The following TENM2 variants were observed in gnomAD, a reference collection of about 807,000 sequenced individuals.
TENM2 encodes the protein teneurin transmembrane protein 2.
A neutral mutation model predicts 245.2 loss-of-function variants in TENM2; 52 were observed. That is an observed-to-expected ratio of 0.21 (90% CI 0.17 to 0.27). TENM2 has a LOEUF of 0.27. Among genes scored for constraint, TENM2 ranks in the 10% least tolerant of loss-of-function variants. TENM2 has a pLI of 1.00. For missense variants in TENM2, 3,046 were observed against 3,666.8 expected, an observed-to-expected ratio of 0.83 and a Z score of 4.37; for synonymous variants, 1,363 against 1,438.9, an observed-to-expected ratio of 0.95 and a Z score of 1.19.
intron 12 of TENM2, among the ~76,000 whole-genome samples, chr5:168,155,115 A>C (rs1757038575): frequency 6.6e-6 from 1 of 152,058 alleles, no homozygotes; most frequent in African/African-American, 2.4e-5. Flanking sequence ...GGTCTTCCAA[A>C]ACTAGTTGGA....
chr5:167,913,947 C>T (rs1776734624), intron 3 of TENM2, among the ~76,000 whole-genome samples: 1 of 152,226 alleles, frequency 6.6e-6, no homozygotes, highest in Admixed American at 6.5e-5. Context: ...TTAAGTGCTG[C>T]TAAGAATGGT....
chr5:167,904,790 G>A (rs181326934), intron 3 of TENM2, among the ~76,000 whole-genome samples: 5 of 152,178 alleles, frequency 3.3e-5, no homozygotes, highest in African/African-American at 9.6e-5. Context: ...GGTGACCAAC[G>A]CTGCCAGTTC....
chr5:167,261,146 A>C, the TENM2 span, among the ~76,000 whole-genome samples: 3 of 152,066 alleles, frequency 2.0e-5, no homozygotes. Flanking sequence ...AAGCTCTGGG[A>C]GTGGAGGGCA....
intron 2 of TENM2, among the ~76,000 whole-genome samples, chr5:167,680,057 C>A (rs546224357): frequency 6.6e-6 from 1 of 152,168 alleles, no homozygotes; most frequent in South Asian, 2.1e-4. Flanking sequence ...AAGACACAGG[C>A]TTTGGAGAAA....
chr5:167,889,292 T>C (rs1774544082), intron 3 of TENM2, among the ~76,000 whole-genome samples: 1 of 152,108 alleles, frequency 6.6e-6, no homozygotes, highest in Non-Finnish European at 1.5e-5. Context: ...TGCTTTTGAA[T>C]TGTGTTGATG....
upstream of TENM2, among the ~76,000 whole-genome samples, chr5:167,281,213 A>G (rs1426692437): frequency 2.6e-5 from 4 of 151,046 alleles, no homozygotes; most frequent in South Asian, 2.1e-4. Flanking sequence ...GGTTCAAGCA[A>G]TTCTCTTCCT....
chr5:167,719,735 A>G (rs1759500790), intron 2 of TENM2, among the ~76,000 whole-genome samples: 1 of 152,210 alleles, frequency 6.6e-6, no homozygotes, highest in Non-Finnish European at 1.5e-5. Flanking sequence ...TGCCACCTCA[A>G]GGAATGTTGC....
At chr5:167,939,804 G>A (rs112478206) in intron 3 of TENM2, among the ~76,000 whole-genome samples, 2,157 of 152,212 alleles carry the variant, frequency 0.014, 56 homozygotes, top group African/African-American at 0.049. Context: ...CGGCAACTAC[G>A]CAGATGAATC....
the TENM2 span, among the ~76,000 whole-genome samples, chr5:167,256,327 C>T: frequency 5.9e-5 from 9 of 152,226 alleles, no homozygotes; most frequent in African/African-American, 2.2e-4. Context: ...TGGAAACTCT[C>T]CAGTTGTTAC....
chr5:167,092,307 C>T, the TENM2 span, among the ~76,000 whole-genome samples: 1 of 152,094 alleles, frequency 6.6e-6, no homozygotes, highest in Non-Finnish European at 1.5e-5. Context: ...GCTTTTAAGG[C>T]TACGTCGGCA....
intron 2 of TENM2, among the ~76,000 whole-genome samples, chr5:167,598,737 A>T (rs1776391206): frequency 6.6e-6 from 1 of 151,686 alleles, no homozygotes; most frequent in Non-Finnish European, 1.5e-5. Flanking sequence ...TATGATGATC[A>T]GAGTTTGTTT....
chr5:167,553,443 C>A (rs754950755), intron 2 of TENM2, among the ~76,000 whole-genome samples: 1 of 152,194 alleles, frequency 6.6e-6, no homozygotes, highest in Non-Finnish European at 1.5e-5. Flanking sequence ...AGCAGGACAG[C>A]ATAGGAAGTC....
chr5:167,920,068 G>A (rs1194129533), intron 3 of TENM2, among the ~76,000 whole-genome samples: 1 of 152,114 alleles, frequency 6.6e-6, no homozygotes, highest in Non-Finnish European at 1.5e-5. Flanking sequence ...GGAATAGAGA[G>A]GCTATGGGAG....
intron 1 of TENM2, chr5:167,297,442 G>GA (rs1374827149): frequency 6.6e-6 from 1 of 152,192 alleles, no homozygotes; most frequent in Non-Finnish European, 1.5e-5. Flanking sequence ...AACATTAAAA[G>GA]TGAGGTTTTA....
intron 2 of TENM2, among the ~76,000 whole-genome samples, chr5:167,431,942 T>TATATGTATATATAC (rs1764256613): frequency 1.1e-5 from 1 of 90,786 alleles, no homozygotes; most frequent in Admixed American, 1.3e-4. Flanking sequence ...TATATATACA[T>TATATGTATATATAC]ATATATGTAT....
At chr5:167,857,469 G>A (rs1159886373) in intron 2 of TENM2, among the ~76,000 whole-genome samples, 1 of 152,186 alleles carries the variant, frequency 6.6e-6, no homozygotes, top group African/African-American at 2.4e-5. Flanking sequence ...AGGCTCTTAA[G>A]AGGTCAGCCT....
At chr5:167,109,499 C>T in the TENM2 span, among the ~76,000 whole-genome samples, 1 of 152,128 alleles carries the variant, frequency 6.6e-6, no homozygotes, top group Non-Finnish European at 1.5e-5. Flanking sequence ...GGTTGGCTTA[C>T]CTAAATTCAA....
chr5:167,288,022 G>C (rs1177762823), intron 1 of TENM2, among the ~76,000 whole-genome samples: 1 of 152,100 alleles, frequency 6.6e-6, no homozygotes, highest in Non-Finnish European at 1.5e-5. Context: ...GAATAATGAA[G>C]GTCGGCCAAG....
chr5:167,511,828 C>T (rs1214227562), intron 2 of TENM2, among the ~76,000 whole-genome samples: 1 of 152,202 alleles, frequency 6.6e-6, no homozygotes, highest in African/African-American at 2.4e-5. Context: ...GTCAGTTCAA[C>T]TAAGGTGAGA....
Sources: gnomAD v4.1 joint callset for allele counts (sites outside exome capture counted in the v4.1 genomes callset) on GRCh38, gnomAD v4.1.1 for gene constraint, MANE v1.5 for transcripts, NCBI Gene and HGNC (gene_info 2026-07-23, HGNC 2026-07-21) for gene names.